Variants in EIF4EBP1 observed in about 807,000 individuals in gnomAD.
EIF4EBP1 encodes eukaryotic translation initiation factor 4E binding protein 1.
Under a neutral mutation model 9.2 loss-of-function variants are expected in EIF4EBP1, and 5 were observed. That is an observed-to-expected ratio of 0.54 (90% confidence interval 0.28 to 1.14). The LOEUF (loss-of-function observed/expected upper bound fraction) is 1.14, where lower values mean the gene tolerates loss of function less well. Among genes scored for constraint, EIF4EBP1 ranks in the 50% most tolerant of loss-of-function variants. The pLI is 0.09. For missense variants in EIF4EBP1, 139 were observed against 169.6 expected (o/e 0.82, Z 1.00); for synonymous variants, 62 against 67.0 (o/e 0.93, Z 0.36).
chr8:38,044,913 C>T (rs1390277991), intron 1 of EIF4EBP1, among the ~76,000 whole-genome samples: 2 of 152,062 alleles, frequency 1.3e-5, no homozygotes, highest in Non-Finnish European at 2.9e-5. Context: ...GAGCACAGAC[C>T]GGAGGGGATG....
intron 1 of EIF4EBP1, among the ~76,000 whole-genome samples, chr8:38,049,733 C>T (rs1272823779): frequency 1.3e-5 from 2 of 152,018 alleles, no homozygotes; most frequent in African/African-American, 4.8e-5. Flanking sequence ...CTACCCACCT[C>T]GGCCTCCCAA....
Position 38,043,341 on chromosome 8 carries a change from ATTTTCTTTTC to A in EIF4EBP1, c.145+12638_145+12647del, listed in dbSNP as rs750113204. Among the ~76,000 whole-genome samples the A allele has an allele frequency of 6.7e-5, 10 of 150,254 alleles. No homozygotes were observed. In the South Asian group the frequency reaches 1.3e-3, roughly 19 times the overall value. ...GTTCTGAAAGTCTCTGTCAAAGCCA[ATTTTCTTTTC>A]TTTTCTTTTCTTTTTCTTTTTTTTT... On this transcript the variant is annotated intron_variant, in intron 1 of 2. Coordinates refer to ENST00000338825, the MANE Select transcript of EIF4EBP1 (RefSeq NM_004095.4).
intron 2 of EIF4EBP1, among the ~76,000 whole-genome samples, chr8:38,058,279 G>A (rs1323260091): frequency 6.6e-6 from 1 of 152,152 alleles, no homozygotes; most frequent in African/African-American, 2.4e-5. Flanking sequence ...GCATCTGCTG[G>A]GCTTCTGGTG....
intron 1 of EIF4EBP1, among the ~76,000 whole-genome samples, chr8:38,054,159 CCAA>C (rs1809561245): frequency 6.6e-6 from 1 of 152,076 alleles, no homozygotes; most frequent in African/African-American, 2.4e-5. Context: ...GATAAACAAA[CCAA>C]CAACAACAAA....
chr8:38,030,562 G>C lies in EIF4EBP1; in HGVS notation c.-12G>C. On this transcript the variant is annotated 5_prime_UTR_variant, in exon 1 of 3. Transcript: ENST00000338825. ...GCAGCGAGAGGTTCGCGGGTGCAGC[G>C]CACAGGAGACCATGTCCGGGGGCAG... 6.6e-7 allele frequency: 1 copy of C among 1,511,394 alleles called. No homozygotes were observed. The highest frequency in any genetic ancestry group is 8.8e-7 in the Non-Finnish European group (1 of 1,136,522). The allele number at this position is 1,511,394 out of a possible 1,614,324, so 93.6% of individuals were successfully genotyped here.
At chr8:38,044,338 A>C (rs954042460) in intron 1 of EIF4EBP1, among the ~76,000 whole-genome samples, 10 of 152,200 alleles carry the variant, frequency 6.6e-5, no homozygotes, top group African/African-American at 2.4e-4. Flanking sequence ...CGCTCAAGGC[A>C]GGGAACATCC....
rs141524794 is a variant in EIF4EBP1, at chr8:38,045,968, C to T, written c.146-11113C>T. On this transcript the variant is annotated intron_variant, in intron 1 of 2. Coordinates refer to ENST00000338825, the MANE Select transcript of EIF4EBP1 (RefSeq NM_004095.4). ...TCACCCAAGCTGGAGTGCAATGGTG[C>T]GATTTTGGCTCACTGCAACCTCTGC... Among the ~76,000 whole-genome samples, 1,431 of 151,694 alleles carry T rather than the reference C, an allele frequency of 9.4e-3. 13 individuals carry two copies. The highest frequency in any genetic ancestry group is 0.024 in the Middle Eastern group (7 of 294).
At chr8:38,041,835 T>A (rs1384975764) in intron 1 of EIF4EBP1, among the ~76,000 whole-genome samples, 1 of 151,944 alleles carries the variant, frequency 6.6e-6, no homozygotes, top group Non-Finnish European at 1.5e-5. Flanking sequence ...TACAAAAAAA[T>A]TTTAAAACTA....
At chr8:38,048,137 T>C (rs1239688775) in intron 1 of EIF4EBP1, among the ~76,000 whole-genome samples, 2 of 152,038 alleles carry the variant, frequency 1.3e-5, no homozygotes, top group Non-Finnish European at 2.9e-5. Flanking sequence ...CTGGGTGTGG[T>C]GACACTTGCC....
intron 1 of EIF4EBP1, among the ~76,000 whole-genome samples, chr8:38,036,241 C>T (rs758050611): frequency 6.6e-6 from 1 of 151,998 alleles, no homozygotes; most frequent in Non-Finnish European, 1.5e-5. Context: ...AGGCCAGGTG[C>T]GATGGCTCAC....
intron 1 of EIF4EBP1, among the ~76,000 whole-genome samples, chr8:38,056,103 C>A (rs28670792): frequency 6.6e-6 from 1 of 151,724 alleles, no homozygotes; most frequent in Admixed American, 6.6e-5. Context: ...GCAATCCTCC[C>A]GTCTCAGCTT....
chr8:38,059,755 C>CAAAAA, intron 2 of EIF4EBP1, 149 bp from the exon 3 acceptor site: 1 of 603,038 alleles, frequency 1.7e-6, no homozygotes. Flanking sequence ...GACTCCATCT[C>CAAAAA]AAAAAAAAAA....
intron 1 of EIF4EBP1, 40 bp from the exon 2 acceptor site, chr8:38,057,041 G>A (rs1809605316): frequency 1.2e-6 from 2 of 1,609,398 alleles, no homozygotes; most frequent in East Asian, 2.2e-5. Context: ...GCAGGCAAGA[G>A]GCTGCAGATG....
rs145857799 is a variant in EIF4EBP1, at chr8:38,057,976, G to A, written c.325+716G>A. 6.7e-3 allele frequency among the ~76,000 whole-genome samples: 1,021 copies of A among 152,266 alleles called. 8 individuals carry two copies. Among genetic ancestry groups the A allele is most frequent in the Non-Finnish European group, 8.5e-3 (579 of 68,022 alleles). On this transcript the variant is annotated intron_variant, in intron 2 of 2. Coordinates refer to ENST00000338825, the MANE Select transcript of EIF4EBP1 (RefSeq NM_004095.4). ...CTTCCGGGCAACTATAATCAGATTG[G>A]AACCCGCCGACCCTTCACCCGGAAG...
intron 1 of EIF4EBP1, among the ~76,000 whole-genome samples, chr8:38,046,341 T>C (rs912467546): frequency 6.6e-6 from 1 of 152,154 alleles, no homozygotes; most frequent in African/African-American, 2.4e-5. Flanking sequence ...AAAAAAAATA[T>C]CATTCCTATA....
At chr8:38,053,331 T>C (rs187080981) in intron 1 of EIF4EBP1, among the ~76,000 whole-genome samples, 3 of 152,266 alleles carry the variant, frequency 2.0e-5, no homozygotes, top group Admixed American at 2.0e-4. Context: ...TTTTTTGTTT[T>C]GTTTTGTTTT....
intron 1 of EIF4EBP1, among the ~76,000 whole-genome samples, chr8:38,048,841 AAG>A (rs1423760622): frequency 6.6e-6 from 1 of 151,974 alleles, no homozygotes; most frequent in Non-Finnish European, 1.5e-5. Flanking sequence ...TTAAAGAAAA[AAG>A]AGAGGCCGGG....
At chr8:38,054,151 TAAAC>T (rs1475875329) in intron 1 of EIF4EBP1, among the ~76,000 whole-genome samples, 2 of 152,172 alleles carry the variant, frequency 1.3e-5, no homozygotes, top group African/African-American at 4.8e-5. Context: ...CACGCTATGA[TAAAC>T]AAACCAACAA....
At chr8:38,052,026 C>T (rs1380046349) in intron 1 of EIF4EBP1, among the ~76,000 whole-genome samples, 1 of 152,190 alleles carries the variant, frequency 6.6e-6, no homozygotes, top group Non-Finnish European at 1.5e-5. Flanking sequence ...TGCGCCCAGC[C>T]GTAGCCCCCA....
Sources: allele counts gnomAD v4.1 joint callset (sites outside exome capture counted in the v4.1 genomes callset), GRCh38; gene constraint gnomAD v4.1.1; transcripts MANE v1.5; gene names NCBI Gene and HGNC (gene_info 2026-07-23, HGNC 2026-07-21).